MOB3B: variants seen among roughly 807,000 people sequenced by gnomAD.
The protein encoded by MOB3B is MOB kinase activator-like 2B.
MOB3B carries 7 observed loss-of-function variants against 18.7 expected under a neutral mutation model. That is an observed-to-expected ratio of 0.37 (90% CI 0.21 to 0.70). MOB3B has a LOEUF of 0.70. Among genes scored for constraint, MOB3B ranks in the 30% least tolerant of loss-of-function variants. MOB3B has a pLI of 0.52. For missense variants in MOB3B, 253 were observed against 281.3 expected, an observed-to-expected ratio of 0.90 and a Z score of 0.72; for synonymous variants, 111 against 99.9, an observed-to-expected ratio of 1.11 and a Z score of -0.66.
chr9:27,444,250 AGGAAGGAAGGAAGGAAGGAGGGAG>A (rs1822651348), intron 2 of MOB3B, among the ~76,000 whole-genome samples: 1 of 98,010 alleles, frequency 1.0e-5, no homozygotes, highest in African/African-American at 3.7e-5. Flanking sequence ...GAAGGAAGGA[AGGAAGGAAGGAAGGAAGGAGGGAG>A]GGAGGGAGGG....
At chr9:27,494,884 T>A (rs962250719) in intron 1 of MOB3B, among the ~76,000 whole-genome samples, 15 of 152,294 alleles carry the variant, frequency 9.8e-5, no homozygotes, top group African/African-American at 3.4e-4. Flanking sequence ...GTGACAAATT[T>A]TGGATCCTGA....
At chr9:27,403,516 ATTTTTTTTTTT>A (rs74178385) in intron 2 of MOB3B, among the ~76,000 whole-genome samples, 4 of 79,630 alleles carry the variant, frequency 5.0e-5, no homozygotes, top group Admixed American at 1.7e-4. Context: ...CTCTTTACTA[ATTTTTTTTTTT>A]TTTTTTTTTT....
At chr9:27,352,073 C>A (rs1187584208) in intron 3 of MOB3B, among the ~76,000 whole-genome samples, 1 of 152,016 alleles carries the variant, frequency 6.6e-6, no homozygotes, top group East Asian at 1.9e-4. Context: ...GAGAAACTGC[C>A]CATCACATCT....
chr9:27,460,745 G>A (rs1303162764), intron 1 of MOB3B, among the ~76,000 whole-genome samples: 2 of 152,182 alleles, frequency 1.3e-5, no homozygotes, highest in Admixed American at 6.5e-5. Flanking sequence ...CCTATAGGAA[G>A]GCCATAAGAG....
At chr9:27,421,061 T>G (rs765361990) in intron 2 of MOB3B, 14 of 152,512 alleles carry the variant, frequency 9.2e-5, no homozygotes, top group Non-Finnish European at 1.6e-4. Context: ...TGCACCCACC[T>G]TCTCCCTACA....
In MOB3B at chr9:27,489,741, C is replaced by CTTTT. The variant is rs66757462; in HGVS notation, c.-198-33997_-198-33994dup. On this transcript the variant is annotated intron_variant, in intron 1 of 3. Transcript: ENST00000262244. Reference sequence around the variant, plus strand: ...ACATCACACCAGATAAGGAAATAATCTTTTTTTTTTTTTGGTCCAACAGGG... The same window carrying CTTTT: ...ACATCACACCAGATAAGGAAATAATCTTTTTTTTTTTTTTTTTGGTCCAACAGGG... 2.6e-4 allele frequency among the ~76,000 whole-genome samples: 19 copies of CTTTT among 73,152 alleles called. 2 individuals are homozygous for CTTTT. Among genetic ancestry groups the CTTTT allele is most frequent in the East Asian group, 1.1e-3 (2 of 1,836 alleles). 48.0% of individuals were successfully genotyped at this position (73,152 alleles called of 152,430 possible).
At chr9:27,333,199 G>T (rs549487479) in intron 3 of MOB3B, among the ~76,000 whole-genome samples, 18 of 152,074 alleles carry the variant, frequency 1.2e-4, no homozygotes, top group African/African-American at 4.3e-4. Flanking sequence ...ACTGTTTCCT[G>T]GGATGCCTCT....
intron 1 of MOB3B, among the ~76,000 whole-genome samples, chr9:27,505,569 GGAA>G (rs1820045880): frequency 6.6e-6 from 1 of 152,204 alleles, no homozygotes; most frequent in East Asian, 1.9e-4. Context: ...AATAAATTTA[GGAA>G]GAAGTTGGGA....
intron 1 of MOB3B, among the ~76,000 whole-genome samples, chr9:27,472,648 A>T (rs1819490058): frequency 7.5e-6 from 1 of 133,074 alleles, no homozygotes. Context: ...AAAAGCTCCC[A>T]CTCTATTCTC....
intron 3 of MOB3B, among the ~76,000 whole-genome samples, chr9:27,347,232 C>A (rs956672779): frequency 6.6e-6 from 1 of 152,222 alleles, no homozygotes; most frequent in African/African-American, 2.4e-5. Flanking sequence ...AGTCCCTGAA[C>A]TAGGTTCCAG....
At chr9:27,364,826 A>C (rs7034798) in intron 2 of MOB3B, among the ~76,000 whole-genome samples, 23,431 of 152,104 alleles carry the variant, frequency 0.15, 2,906 homozygotes, top group African/African-American at 0.34. Context: ...CTTTGTGACA[A>C]ACTTTGGGAT....
rs1191888030 is a variant in MOB3B at position 27,501,976 on chromosome 9, ACACT to A, written c.-199+27575_-199+27578del. Among the ~76,000 whole-genome samples the A allele has an allele frequency of 2.0e-5, 3 of 152,164 alleles. No individual in the cohort carries two copies. In the East Asian group the frequency reaches 5.8e-4, roughly 29 times the overall value. ...TCCTTGATGCTCTTTCAGGAAAAAA[ACACT>A]CACTCTCAACAAAAAGGGCAAAGAC... On this transcript the variant is annotated intron_variant, in intron 1 of 3. Transcript: ENST00000262244.
Position 27,341,463 on chromosome 9 carries a change from C to A in MOB3B, c.622-10847G>T, listed in dbSNP as rs1199646409. Among the ~76,000 whole-genome samples the A allele has an allele frequency of 3.3e-5, 5 of 152,184 alleles. No individual in the cohort carries two copies. In the South Asian group the frequency reaches 6.2e-4, roughly 19 times the overall value. On this transcript the variant is annotated intron_variant, in intron 3 of 3. Coordinates refer to ENST00000262244, the MANE Select transcript of MOB3B (RefSeq NM_024761.5). ...ATGGGGAATGTGCTTCCTCAGTGAG[C>A]CTGTAATTTAGGAAGTCTGTAGTTT...
In MOB3B at chr9:27,335,964, A is replaced by G. The variant is rs73643186; in HGVS notation, c.622-5348T>C. Among the ~76,000 whole-genome samples, 751 of 152,330 alleles carry G rather than the reference A, an allele frequency of 4.9e-3. 5 individuals carry two copies. Among genetic ancestry groups the G allele is most frequent in the African/African-American group, 0.016 (668 of 41,560 alleles). ...CTGGCACATACTAGGTGCTTAAAAC[A>G]TATTAAATTAAACTGAAATCCAATG... On this transcript the variant is annotated intron_variant, in intron 3 of 3. Coordinates refer to ENST00000262244, the MANE Select transcript of MOB3B (RefSeq NM_024761.5).
intron 1 of MOB3B, among the ~76,000 whole-genome samples, chr9:27,486,903 G>A (rs1819736479): frequency 6.6e-6 from 1 of 152,178 alleles, no homozygotes; most frequent in Non-Finnish European, 1.5e-5. Context: ...GGCTGAGGCA[G>A]ATGGATCACT....
At chr9:27,385,931 G>A (rs1453434950) in intron 2 of MOB3B, among the ~76,000 whole-genome samples, 2 of 152,222 alleles carry the variant, frequency 1.3e-5, no homozygotes, top group Non-Finnish European at 2.9e-5. Context: ...GCCTTGTGAA[G>A]AGAGGGAATG....
At chr9:27,362,588 C>T (rs1200876973) in intron 2 of MOB3B, among the ~76,000 whole-genome samples, 1 of 152,090 alleles carries the variant, frequency 6.6e-6, no homozygotes, top group African/African-American at 2.4e-5. Flanking sequence ...GTAATTCATT[C>T]TTCAAAAGCA....
At chr9:27,407,928 AC>A (rs140252303) in intron 2 of MOB3B, among the ~76,000 whole-genome samples, 5,819 of 152,018 alleles carry the variant, frequency 0.038, 318 homozygotes, top group African/African-American at 0.13. Context: ...AATCCATCAC[AC>A]CTCAGATACT....
intron 1 of MOB3B, among the ~76,000 whole-genome samples, chr9:27,465,327 G>A (rs1819365022): frequency 6.6e-6 from 1 of 152,188 alleles, no homozygotes; most frequent in Non-Finnish European, 1.5e-5. Context: ...GATCTCCTTT[G>A]ACTCCAGGTC....
Sources: allele counts gnomAD v4.1 joint callset (sites outside exome capture counted in the v4.1 genomes callset), GRCh38; gene constraint gnomAD v4.1.1; transcripts MANE v1.5; gene names NCBI Gene and HGNC (gene_info 2026-07-23, HGNC 2026-07-21).